FGF12: variants seen among roughly 807,000 people sequenced by gnomAD.
FGF12 encodes the protein fibroblast growth factor 12.
Under a neutral mutation model 23.6 loss-of-function variants are expected in FGF12, and 14 were observed. That is an observed-to-expected ratio of 0.59 (90% CI 0.39 to 0.93). The LOEUF is 0.93. Ranked by LOEUF, FGF12 falls within the 40% of genes least tolerant of loss-of-function variation. FGF12 has a pLI of 0.00. For missense variants in FGF12, 175 were observed against 217.8 expected (o/e 0.80, Z 1.24); for synonymous variants, 62 against 77.3 (o/e 0.80, Z 1.04).
chr3:192,387,602 C>T (rs1270920074), intron 2 of FGF12, among the ~76,000 whole-genome samples: 1 of 151,844 alleles, frequency 6.6e-6, no homozygotes, highest in East Asian at 1.9e-4. Flanking sequence ...AATCCCAGCA[C>T]TTTAGGAGGC....
chr3:192,338,721 G>A (rs1431239230), intron 3 of FGF12, among the ~76,000 whole-genome samples: 1 of 152,178 alleles, frequency 6.6e-6, no homozygotes, highest in Non-Finnish European at 1.5e-5. Flanking sequence ...CCCAGGTCTG[G>A]CTTTTACGTG....
At chr3:192,211,399 A>G (rs1439646587) in intron 4 of FGF12, among the ~76,000 whole-genome samples, 1 of 152,064 alleles carries the variant, frequency 6.6e-6, no homozygotes, top group African/African-American at 2.4e-5. Context: ...ATGGCGGTTT[A>G]GTGTGTGATA....
At chr3:192,479,788 T>G (rs1723428938) in intron 2 of FGF12, among the ~76,000 whole-genome samples, 1 of 152,178 alleles carries the variant, frequency 6.6e-6, no homozygotes, top group Non-Finnish European at 1.5e-5. Context: ...TCCCCTAGAA[T>G]ATTAAGAAGT....
intron 2 of FGF12, among the ~76,000 whole-genome samples, chr3:192,488,512 C>A (rs1200703960): frequency 6.6e-6 from 1 of 152,040 alleles, no homozygotes; most frequent in African/African-American, 2.4e-5. Context: ...TTTATCAATA[C>A]CACATTGGAA....
At chr3:192,662,904 T>C (rs1396719757) in intron 2 of FGF12, among the ~76,000 whole-genome samples, 1 of 152,358 alleles carries the variant, frequency 6.6e-6, no homozygotes, top group South Asian at 2.1e-4. Context: ...TTGGGAGACC[T>C]GGTTCTCAAG....
At chr3:192,165,927 C>G (rs1715138215) in intron 5 of FGF12, among the ~76,000 whole-genome samples, 1 of 152,080 alleles carries the variant, frequency 6.6e-6, no homozygotes, top group Non-Finnish European at 1.5e-5. Flanking sequence ...GTTTCCTCAT[C>G]TATAAAATGA....
chr3:192,684,619 G>A (rs539511391), intron 2 of FGF12, among the ~76,000 whole-genome samples: 28 of 152,218 alleles, frequency 1.8e-4, no homozygotes, highest in African/African-American at 5.3e-4. Flanking sequence ...CCTTTGAAAA[G>A]CATATAAGAA....
At position 192,300,186 on chromosome 3, in the gene FGF12, G is replaced by A. The variant is rs775231598; in HGVS notation, c.228+35175C>T. Reference sequence around the variant, plus strand: ...AGCACCTACCAGGTGTCCTGGGTTGGAAAATCTTACCTACTCTGTCACATG... The same window carrying A: ...AGCACCTACCAGGTGTCCTGGGTTGAAAAATCTTACCTACTCTGTCACATG... On this transcript the variant is annotated intron_variant, in intron 4 of 5. Coordinates refer to ENST00000445105, the MANE Select transcript of FGF12 (RefSeq NM_004113.6). Among the ~76,000 whole-genome samples, 59 of 152,294 alleles carry A rather than the reference G, an allele frequency of 3.9e-4. No homozygotes were observed. The Middle Eastern group carries it at 0.017, about 44-fold the overall frequency.
intron 2 of FGF12, among the ~76,000 whole-genome samples, chr3:192,486,997 T>TTAC (rs974865033): frequency 9.9e-5 from 15 of 151,550 alleles, no homozygotes; most frequent in African/African-American, 3.7e-4. Context: ...TGGATTTGTT[T>TTAC]TACTATTATT....
chr3:192,464,231 C>T (rs909961320), intron 2 of FGF12, among the ~76,000 whole-genome samples: 4 of 151,978 alleles, frequency 2.6e-5, no homozygotes, highest in African/African-American at 9.7e-5. Flanking sequence ...TTTGGTGCAC[C>T]CATCACCCAA....
intron 4 of FGF12, among the ~76,000 whole-genome samples, chr3:192,189,844 A>G (rs911035955): frequency 1.3e-5 from 2 of 152,168 alleles, no homozygotes; most frequent in Non-Finnish European, 2.9e-5. Flanking sequence ...GCAAACTAAT[A>G]TACCGACCAA....
chr3:192,357,520 A>C (rs567986301), intron 3 of FGF12, among the ~76,000 whole-genome samples: 1 of 152,110 alleles, frequency 6.6e-6, no homozygotes, highest in African/African-American at 2.4e-5. Flanking sequence ...TATTTTAGCC[A>C]ATGACCTACA....
rs545222490 is a variant in FGF12, at chr3:192,293,105, T to A, written c.228+42256A>T. 9.2e-5 allele frequency among the ~76,000 whole-genome samples: 14 copies of A among 152,186 alleles called. No homozygotes were observed. The East Asian group carries it at 2.3e-3, about 25-fold the overall frequency. On this transcript the variant is annotated intron_variant, in intron 4 of 5. Transcript: ENST00000445105. ...TTGAGAGGTAATTTTGATCATATGA[T>A]CTCTCAGAATTTCATTTAAATTTCT...
intron 2 of FGF12, among the ~76,000 whole-genome samples, chr3:192,559,157 C>T (rs771192928): frequency 6.6e-6 from 1 of 151,752 alleles, no homozygotes; most frequent in Middle Eastern, 3.2e-3. Context: ...CAGGTAAAAG[C>T]CAACCTAAAG....
At chr3:192,575,387 A>AGCATTG (rs1712828953) in intron 2 of FGF12, among the ~76,000 whole-genome samples, 2 of 152,256 alleles carry the variant, frequency 1.3e-5, no homozygotes, top group African/African-American at 4.8e-5. Flanking sequence ...TGGTGATCAA[A>AGCATTG]GCATTGGCAT....
At chr3:192,481,178 G>A (rs900409836) in intron 2 of FGF12, among the ~76,000 whole-genome samples, 1 of 152,030 alleles carries the variant, frequency 6.6e-6, no homozygotes, top group Non-Finnish European at 1.5e-5. Flanking sequence ...AAGATCTCTA[G>A]GGCTTGCTGA....
intron 2 of FGF12, among the ~76,000 whole-genome samples, chr3:192,674,406 AC>A (rs776439403): frequency 1.3e-5 from 2 of 152,322 alleles, no homozygotes; most frequent in East Asian, 1.9e-4. Context: ...CTGGGCTAAA[AC>A]AAAATGATAA....
At chr3:192,725,001 T>C (rs1171110726) in intron 2 of FGF12, among the ~76,000 whole-genome samples, 1 of 152,024 alleles carries the variant, frequency 6.6e-6, no homozygotes, top group Non-Finnish European at 1.5e-5. Flanking sequence ...CTTCCTAGAA[T>C]TAGATTTGAA....
At chr3:192,261,836 T>C (rs1177766813) in intron 4 of FGF12, among the ~76,000 whole-genome samples, 1 of 152,084 alleles carries the variant, frequency 6.6e-6, no homozygotes, top group African/African-American at 2.4e-5. Context: ...CAATCTGAAT[T>C]GTTCGTGCTT....
Sources: allele counts gnomAD v4.1 joint callset (sites outside exome capture counted in the v4.1 genomes callset), GRCh38; gene constraint gnomAD v4.1.1; transcripts MANE v1.5; gene names NCBI Gene and HGNC (gene_info 2026-07-23, HGNC 2026-07-21).